The following ARHGEF40 variants were observed in gnomAD, a reference collection of about 807,000 sequenced individuals.
ARHGEF40 encodes the protein Rho guanine nucleotide exchange factor 40.
In ARHGEF40, 98 loss-of-function variants were observed where a neutral mutation model predicts 165.9. That is an observed-to-expected ratio of 0.59 (90% confidence interval 0.50 to 0.70). The LOEUF is 0.70. Among genes scored for constraint, ARHGEF40 ranks in the 30% least tolerant of loss-of-function variants. The pLI is 0.00. For synonymous variants in ARHGEF40, 792 were observed against 814.3 expected, an observed-to-expected ratio of 0.97 and a Z score of 0.47; for missense variants, 1,815 against 1,968.0, an observed-to-expected ratio of 0.92 and a Z score of 1.47.
intron 7 of ARHGEF40, 60 bp from the exon 8 acceptor site, chr14:21,076,714 C>G: frequency 6.2e-7 from 1 of 1,609,804 alleles, no homozygotes; most frequent in African/African-American, 1.3e-5. Context: ...GCTGGAGCCC[C>G]AGGCTGGTTT....
chr14:21,081,229 T>C, intron 13 of ARHGEF40: 1 of 856,610 alleles, frequency 1.2e-6, no homozygotes, highest in Non-Finnish European at 1.7e-6. Flanking sequence ...AGGGCTGCTG[T>C]GGGGATTACA....
rs1039370864 is a variant in ARHGEF40, at chr14:21,072,075, T to A, written c.4-970T>A. On this transcript the variant is annotated intron_variant, in intron 1 of 23. Coordinates refer to ENST00000298694, the MANE Select transcript of ARHGEF40 (RefSeq NM_018071.5). The surrounding 1 kb of genome is among the most constrained non-coding windows in gnomAD (Gnocchi z 4.1). ...ATTTACAGCAAAAAAGAAAAAAAAA[T>A]TCCAGTAAAAGGGACTTCAAAGACT... Among the ~76,000 whole-genome samples, 3 of 152,000 alleles carry A rather than the reference T, an allele frequency of 2.0e-5. No homozygotes were observed. The highest frequency in any genetic ancestry group is 7.3e-5 in the African/African-American group (3 of 41,370).
rs1371991152 is a variant in ARHGEF40 at position 21,081,519 on chromosome 14, G to A, written c.2651G>A (p.Trp884Ter). 1 of 1,613,064 alleles carries A rather than the reference G, an allele frequency of 6.2e-7. No individual in the cohort carries two copies. The highest frequency in any genetic ancestry group is 8.5e-7 in the Non-Finnish European group (1 of 1,179,918). Residue 884 changes from tryptophan (W) to a stop codon, truncating the protein, a stop_gained, in exon 14 of 24, where the codon TGG becomes TAG. Coordinates refer to ENST00000298694, the MANE Select transcript of ARHGEF40 (RefSeq NM_018071.5). LOFTEE classifies it high-confidence loss of function. Reference sequence around the variant, plus strand: ...CCTTTGACTTCGTAGGCACATGAATGGGTGGATGAGGGCTTTGCTCGGCTG... The same window carrying A: ...CCTTTGACTTCGTAGGCACATGAATAGGTGGATGAGGGCTTTGCTCGGCTG... ...LQRFFQQAHEWVDEGFARLAG... is the reference protein window; with the variant it reads ...LQRFFQQAHE
intron 5 of ARHGEF40, 49 bp from the exon 6 acceptor site, chr14:21,076,311 C>T (rs746425111): frequency 6.7e-7 from 1 of 1,499,342 alleles, no homozygotes; most frequent in East Asian, 2.3e-5. Flanking sequence ...ATCTGCTATC[C>T]CCCAAAACAC....
In ARHGEF40 at chr14:21,080,642, C is replaced by A. The variant is rs1485628854; in HGVS notation, c.2374-18C>A. 1.9e-6 allele frequency: 3 copies of A among 1,605,354 alleles called. No homozygotes were observed. The highest frequency in any genetic ancestry group is 2.2e-5 in the South Asian group (2 of 90,128). On this transcript the variant is annotated intron_variant, in intron 11 of 23. Transcript: ENST00000298694. ...TTCCACTCCATGACCCCCTGCCCTC[C>A]CACCCCATCTGCCTCAGGTGTTGCA...
At position 21,087,510 on chromosome 14, in the gene ARHGEF40, G is replaced by A. The variant is rs183734423; in HGVS notation, c.4387+47G>A. ...GGCTCCCAACAGCTCGGTCATGGTGGTGATGTTCAGGCTGCTTGCTGCTGA... is the reference window on the plus strand; with the variant it reads ...GGCTCCCAACAGCTCGGTCATGGTGATGATGTTCAGGCTGCTTGCTGCTGA... On this transcript the variant is annotated intron_variant, in intron 21 of 23. Coordinates refer to ENST00000298694, the MANE Select transcript of ARHGEF40 (RefSeq NM_018071.5). 15 of 1,591,428 alleles carry A rather than the reference G, an allele frequency of 9.4e-6. No homozygotes were observed. The Admixed American group carries it at 1.2e-4, about 13-fold the overall frequency.
chr14:21,083,343 T>A (rs1463348212), intron 16 of ARHGEF40, among the ~76,000 whole-genome samples: 1 of 150,404 alleles, frequency 6.6e-6, no homozygotes, highest in African/African-American at 2.5e-5. Flanking sequence ...AGATTGAGAC[T>A]ATCTGGCCAA....
At chr14:21,068,754 G>A (rs1886433499), upstream of ARHGEF40, among the ~76,000 whole-genome samples, 1 of 152,236 alleles carries the variant, frequency 6.6e-6, no homozygotes, top group Admixed American at 6.5e-5. Context: ...CGGGGAAGAT[G>A]GTTACCGGGG....
rs949917478 is a variant in ARHGEF40, at chr14:21,070,601, C to T, written c.3+202C>T. Among the ~76,000 whole-genome samples the T allele has an allele frequency of 3.9e-5, 6 of 152,190 alleles. No individual in the cohort carries two copies. The highest frequency in any genetic ancestry group is 1.4e-4 in the African/African-American group (6 of 41,530). ...CTGTCCCCACCGGGTATTGCCCTCA[C>T]CCTTTCTTCCTCCTCTCCTCCGCCT... On this transcript the variant is annotated intron_variant, in intron 1 of 23. Coordinates refer to ENST00000298694, the MANE Select transcript of ARHGEF40 (RefSeq NM_018071.5). This position sits in a 1 kb window ranked among gnomAD's most constrained non-coding sequence, Gnocchi z 4.7.
In ARHGEF40 at chr14:21,087,402, C is replaced by T; in HGVS notation, c.4326C>T (p.Cys1442=). 2.5e-6 allele frequency: 4 copies of T among 1,602,582 alleles called. No homozygotes were observed. The highest frequency in any genetic ancestry group is 3.4e-6 in the Non-Finnish European group (4 of 1,179,922). The part of the protein sequence containing the change: ...PSLPGLSPGA[C]SLPARVEEEA... ...TTCCCGGCCTTTCGCCGGGAGCCTG[C>T]TCCCTGCCTGCCCGCGTCGAGGAGG... Residue 1442 remains cysteine (C), a synonymous_variant, in exon 21 of 24, where the codon TGC becomes TGT. Coordinates refer to ENST00000298694, the MANE Select transcript of ARHGEF40 (RefSeq NM_018071.5).
In ARHGEF40 at chr14:21,080,668, G is replaced by A. The variant is rs147193717; in HGVS notation, c.2382G>A (p.Gln794=). 5.6e-4 allele frequency: 899 copies of A among 1,610,386 alleles called. 1 individual carries two copies. The highest frequency in any genetic ancestry group is 7.2e-4 in the Non-Finnish European group (851 of 1,179,012). ...QCLRRLQQVL[Q]WLSGPGEEQL... The stretch of plus-strand genomic sequence containing the variant: ...CACCCCATCTGCCTCAGGTGTTGCA[G>A]TGGCTCTCGGGCCCAGGGGAGGAGC... The change falls in exon 12 of 24, where the codon CAG becomes CAA. Residue 794 remains glutamine (Q), a synonymous_variant. Coordinates refer to ENST00000298694, the MANE Select transcript of ARHGEF40 (RefSeq NM_018071.5).
chr14:21,061,422 A>G, the ARHGEF40 span, among the ~76,000 whole-genome samples: 1 of 152,106 alleles, frequency 6.6e-6, no homozygotes, highest in Non-Finnish European at 1.5e-5. Context: ...GAAGAATTAG[A>G]TGGCGTGTAA....
intron 15 of ARHGEF40, 72 bp downstream of exon 15, chr14:21,082,550 T>C: frequency 6.9e-7 from 1 of 1,448,576 alleles, no homozygotes. Flanking sequence ...TGTCCCTCTT[T>C]CTCAGTACCC....
Position 21,072,050 on chromosome 14 carries a change from A to G in ARHGEF40, c.4-995A>G, listed in dbSNP as rs1886970806. 6.6e-6 allele frequency among the ~76,000 whole-genome samples: 1 copy of G among 152,158 alleles called. No individual in the cohort carries two copies. Among genetic ancestry groups the G allele is most frequent in the Non-Finnish European group, 1.5e-5 (1 of 68,016 alleles). On this transcript the variant is annotated intron_variant, in intron 1 of 23. Transcript: ENST00000298694. The surrounding 1 kb of genome is among the most constrained non-coding windows in gnomAD (Gnocchi z 4.1). Reference sequence around the variant, plus strand: ...GGCTGCATTGAGTATCCCCTTCCCCATTTACAGCAAAAAAGAAAAAAAAAT... The same window carrying G: ...GGCTGCATTGAGTATCCCCTTCCCCGTTTACAGCAAAAAAGAAAAAAAAAT...
chr14:21,076,349 T>A lies in ARHGEF40; in HGVS notation c.1740-11T>A. 6.2e-7 allele frequency: 1 copy of A among 1,612,418 alleles called. No individual in the cohort carries two copies. Among genetic ancestry groups the A allele is most frequent in the Non-Finnish European group, 8.5e-7 (1 of 1,179,586 alleles). ...ACACAGCAGCCTCCTTGGCTCTTCC[T>A]GCTCCCGCAGGCCTGATCTACAGAC... On this transcript the variant is annotated splice_polypyrimidine_tract_variant and intron_variant, in intron 5 of 23. Transcript: ENST00000298694.
chr14:21,068,290 C>T (rs1463897890), upstream of ARHGEF40, among the ~76,000 whole-genome samples: 9 of 12,290 alleles, frequency 7.3e-4, 4 homozygotes, highest in East Asian at 0.037. Context: ...TGAGCCACCG[C>T]GCCCGGCCGG....
Position 21,090,155 on chromosome 14 carries a change from G to C in ARHGEF40, c.*1147G>C. 1 of 484,806 alleles carries C rather than the reference G, an allele frequency of 2.1e-6. No individual in the cohort carries two copies. The highest frequency in any genetic ancestry group is 4.0e-6 in the Non-Finnish European group (1 of 248,554). The allele number at this position is 484,806 out of a possible 1,614,324, so 30.0% of individuals were successfully genotyped here. On this transcript the variant is annotated 3_prime_UTR_variant, in exon 24 of 24. Transcript: ENST00000298694. The surrounding 1 kb of genome is among the most constrained non-coding windows in gnomAD (Gnocchi z 4.4). ...CAGGAATCGTACCAAAAATAGCGACGTCTACAGGGCCCCTGATGGGGCTAG... is the reference window on the plus strand; with the variant it reads ...CAGGAATCGTACCAAAAATAGCGACCTCTACAGGGCCCCTGATGGGGCTAG...
At chr14:21,076,732 C>A (rs745586385) in intron 7 of ARHGEF40, 42 bp from the exon 8 acceptor site, 10 of 1,611,050 alleles carry the variant, frequency 6.2e-6, no homozygotes, top group Non-Finnish European at 6.8e-6. Flanking sequence ...TTTCTGAGTC[C>A]TTGGGTGCCC....
chr14:21,073,263 A>C lies in ARHGEF40; in HGVS notation c.201+21A>C, dbSNP rs760397192. The C allele has an allele frequency of 8.2e-6, 13 of 1,577,892 alleles. No individual in the cohort carries two copies. The East Asian group carries it at 1.9e-4, about 23-fold the overall frequency. On this transcript the variant is annotated intron_variant, in intron 2 of 23. Transcript: ENST00000298694. This position sits in a 1 kb window ranked among gnomAD's most constrained non-coding sequence, Gnocchi z 4.6. ...CCTGTGTGAGTGGCCGTGCATCACT[A>C]TTCTGCCTTCCCCAAGATCCACTGC...
Sources: allele counts gnomAD v4.1 joint callset (sites outside exome capture counted in the v4.1 genomes callset), GRCh38; gene constraint gnomAD v4.1.1; non-coding constraint Gnocchi (gnomAD v3.1); transcripts MANE v1.5; gene names NCBI Gene and HGNC (gene_info 2026-07-23, HGNC 2026-07-21).